Variants in COL4A5 observed in about 807,000 individuals in gnomAD.
The protein encoded by COL4A5 is collagen alpha-5(IV) chain.
Under a neutral mutation model 130.2 loss-of-function variants are expected in COL4A5, and 26 were observed. The observed-to-expected ratio is 0.20, with a 90% CI of 0.15 to 0.28. The LOEUF (loss-of-function observed/expected upper bound fraction) is 0.28, where lower values mean the gene tolerates loss of function less well. COL4A5 is among the 10% of genes least tolerant of loss of function. The pLI, the probability that COL4A5 is intolerant of heterozygous loss-of-function variation, is 1.00. For missense variants in COL4A5, 1,131 were observed against 1,344.3 expected (o/e 0.84, Z 2.48); for synonymous variants, 496 against 439.6 (o/e 1.13, Z -1.60).
intron 1 of COL4A5, among the ~76,000 whole-genome samples, chrX:108,485,364 CAGA>C (rs1276140285): frequency 8.9e-6 from 1 of 111,802 alleles, no homozygotes; most frequent in African/African-American, 3.3e-5. Context: ...TTTTCTTAAG[CAGA>C]AGGAGACTTT....
intron 1 of COL4A5, among the ~76,000 whole-genome samples, chrX:108,460,074 A>G (rs2064627444): frequency 8.9e-6 from 1 of 111,814 alleles, no homozygotes; most frequent in Non-Finnish European, 1.9e-5. Flanking sequence ...ATGACCCTGT[A>G]GGACGTGGCC....
At chrX:108,691,323 G>C (rs2068636620) in intron 49 of COL4A5, among the ~76,000 whole-genome samples, 1 of 110,762 alleles carries the variant, frequency 9.0e-6, no homozygotes, top group African/African-American at 3.3e-5. Context: ...ACCCTGACTT[G>C]ATCACTATGG....
intron 2 of COL4A5, among the ~76,000 whole-genome samples, chrX:108,541,956 A>G (rs1462816682): frequency 1.8e-5 from 2 of 112,029 alleles, no homozygotes; most frequent in Non-Finnish European, 3.8e-5. Flanking sequence ...CAGTCAATAA[A>G]AAGACCAATC....
chrX:108,673,934 C>T (rs754491909), intron 42 of COL4A5, among the ~76,000 whole-genome samples: 19 of 107,816 alleles, frequency 1.8e-4, no homozygotes, highest in Admixed American at 1.6e-3. Context: ...CACAGCTGCT[C>T]GGGAGGCTGA....
At chrX:108,537,592 A>T (rs1037789136) in intron 1 of COL4A5, among the ~76,000 whole-genome samples, 4 of 111,746 alleles carry the variant, frequency 3.6e-5, no homozygotes, top group African/African-American at 9.7e-5. Flanking sequence ...CTGTCAGGTT[A>T]TTGCTTTGCA....
intron 25 of COL4A5, among the ~76,000 whole-genome samples, chrX:108,600,166 C>T (rs1447930558): frequency 8.9e-6 from 1 of 111,787 alleles, no homozygotes; most frequent in Admixed American, 9.5e-5. Flanking sequence ...GTACTTTGAC[C>T]AATTTTATAT....
chrX:108,502,577 G>A (rs1406575632), intron 1 of COL4A5, among the ~76,000 whole-genome samples: 3 of 112,016 alleles, frequency 2.7e-5, no homozygotes, highest in African/African-American at 6.5e-5. Flanking sequence ...GAGCCACCGC[G>A]CCCGGCTACT....
intron 30 of COL4A5, among the ~76,000 whole-genome samples, chrX:108,618,595 AACATCTAAGC>A (rs2066978312): frequency 8.9e-6 from 1 of 111,881 alleles, no homozygotes; most frequent in East Asian, 2.8e-4. Context: ...AAGCTATATG[AACATCTAAGC>A]AAATGCCTAA....
At chrX:108,556,547 T>C (rs1317850936) in intron 2 of COL4A5, among the ~76,000 whole-genome samples, 2 of 111,809 alleles carry the variant, frequency 1.8e-5, no homozygotes, top group East Asian at 5.6e-4. Context: ...GATATTTTTA[T>C]GCAAATATGG....
chrX:108,546,063 A>G (rs941530870), intron 2 of COL4A5, among the ~76,000 whole-genome samples: 12 of 111,715 alleles, frequency 1.1e-4, no homozygotes, highest in Admixed American at 1.0e-3. Flanking sequence ...TCTTTATCCA[A>G]TTTGCCAGTC....
chrX:108,669,193 A>G (rs2068147014), intron 41 of COL4A5, among the ~76,000 whole-genome samples: 1 of 111,762 alleles, frequency 8.9e-6, no homozygotes, highest in South Asian at 3.7e-4. Context: ...AATTTTGGAA[A>G]TGCTCGTTTT....
intron 49 of COL4A5, among the ~76,000 whole-genome samples, chrX:108,688,796 T>G (rs1011762141): frequency 9.0e-6 from 1 of 111,722 alleles, no homozygotes; most frequent in Admixed American, 9.5e-5. Context: ...AAGAAGATAG[T>G]CTGGGCTCCC....
intron 29 of COL4A5, among the ~76,000 whole-genome samples, chrX:108,607,544 C>T (rs1204965737): frequency 4.3e-5 from 4 of 92,950 alleles, no homozygotes; most frequent in Admixed American, 1.2e-4. Context: ...AGTGCAATGG[C>T]GTGATCTTGG....
chrX:108,459,672 T>A lies in COL4A5; in HGVS notation c.81+19466T>A, dbSNP rs150507229. 3.7e-3 allele frequency among the ~76,000 whole-genome samples: 420 copies of A among 112,337 alleles called. 6 individuals are homozygous for A. Among genetic ancestry groups the A allele is most frequent in the East Asian group, 0.022 (79 of 3,587 alleles). ...AGTATAAGAGCTACCTCAAGAGCAGTGACTATATTTCAAATTTATATACCT... is the reference window on the plus strand; with the variant it reads ...AGTATAAGAGCTACCTCAAGAGCAGAGACTATATTTCAAATTTATATACCT... On this transcript the variant is annotated intron_variant, in intron 1 of 52. Transcript: ENST00000328300.
intron 1 of COL4A5, among the ~76,000 whole-genome samples, chrX:108,449,051 C>A (rs1420511356): frequency 9.0e-6 from 1 of 111,678 alleles, no homozygotes; most frequent in Non-Finnish European, 1.9e-5. Flanking sequence ...CTGAAAACAC[C>A]TCTTATTTAT....
intron 2 of COL4A5, among the ~76,000 whole-genome samples, 163 bp downstream of exon 2, chrX:108,539,968 C>T (rs957666129): frequency 1.8e-5 from 2 of 111,965 alleles, no homozygotes; most frequent in East Asian, 5.6e-4. Context: ...TAGATTATAT[C>T]TTAAGGTCAG....
chrX:108,475,635 C>T (rs1490513489), intron 1 of COL4A5, among the ~76,000 whole-genome samples: 1 of 110,873 alleles, frequency 9.0e-6, no homozygotes, highest in Non-Finnish European at 1.9e-5. Context: ...TGTCTGGAGA[C>T]ATTCTTTGTT....
intron 1 of COL4A5, among the ~76,000 whole-genome samples, chrX:108,478,274 G>A (rs1008176138): frequency 1.8e-5 from 2 of 111,226 alleles, no homozygotes; most frequent in Admixed American, 9.5e-5. Context: ...CTTGACTTAC[G>A]GTTTAATGGA....
chrX:108,692,112 T>C (rs2068647677), intron 49 of COL4A5, among the ~76,000 whole-genome samples: 1 of 112,113 alleles, frequency 8.9e-6, no homozygotes, highest in African/African-American at 3.2e-5. Context: ...TGTGAGTAAA[T>C]GAGAAAAGAA....
Sources: allele counts gnomAD v4.1 joint callset (sites outside exome capture counted in the v4.1 genomes callset), GRCh38; gene constraint gnomAD v4.1.1; transcripts MANE v1.5; gene names NCBI Gene and HGNC (gene_info 2026-07-23, HGNC 2026-07-21).